ADAM22: variants seen among roughly 807,000 people sequenced by gnomAD.
ADAM22 encodes the protein ADAM metallopeptidase domain 22.
ADAM22 carries 65 observed loss-of-function variants against 144.6 expected under a neutral mutation model. The ratio of observed to expected loss-of-function variants is 0.45; its 90% confidence interval spans 0.37 to 0.55. ADAM22 has a LOEUF of 0.55. Among genes scored for constraint, ADAM22 ranks in the 20% least tolerant of loss-of-function variants. The probability of loss-of-function intolerance (pLI) is 0.00; values close to 1 mark genes in which losing one functional copy is unlikely to be tolerated. For missense variants in ADAM22, 974 were observed against 1,184.9 expected (o/e 0.82, Z 2.61); for synonymous variants, 391 against 412.6 (o/e 0.95, Z 0.63).
At chr7:88,006,697 A>G (rs1350791925) in intron 3 of ADAM22, among the ~76,000 whole-genome samples, 4 of 149,582 alleles carry the variant, frequency 2.7e-5, no homozygotes, top group Non-Finnish European at 4.5e-5. Context: ...GACAAAATTC[A>G]ACAGCCCTTC....
chr7:88,105,888 A>G (rs752236107), intron 4 of ADAM22, among the ~76,000 whole-genome samples: 19 of 152,186 alleles, frequency 1.2e-4, no homozygotes, highest in Admixed American at 6.5e-4. Flanking sequence ...AGCAGCAAAC[A>G]CTTGTTGAGT....
At chr7:88,031,820 C>T (rs575891362) in intron 3 of ADAM22, among the ~76,000 whole-genome samples, 1 of 152,330 alleles carries the variant, frequency 6.6e-6, no homozygotes, top group South Asian at 2.1e-4. Flanking sequence ...GGACACTGCT[C>T]CCTCTGTCCC....
intron 4 of ADAM22, among the ~76,000 whole-genome samples, chr7:88,087,404 A>G (rs569823110): frequency 6.6e-6 from 1 of 152,294 alleles, no homozygotes; most frequent in Non-Finnish European, 1.5e-5. Flanking sequence ...GCCTTGGGCA[A>G]GAATGGTAAA....
intron 3 of ADAM22, among the ~76,000 whole-genome samples, chr7:87,990,696 T>C (rs1789608461): frequency 6.6e-6 from 1 of 152,150 alleles, no homozygotes; most frequent in African/African-American, 2.4e-5. Flanking sequence ...AGAGTCTTGC[T>C]CTGTAGCCCA....
chr7:88,164,316 A>T (rs1414681412), intron 23 of ADAM22, among the ~76,000 whole-genome samples: 1 of 152,094 alleles, frequency 6.6e-6, no homozygotes, highest in Admixed American at 6.6e-5. Flanking sequence ...TTGTTTAATT[A>T]ATTAGTAAAA....
chr7:88,170,407 A>C (rs1844030737), intron 25 of ADAM22, among the ~76,000 whole-genome samples: 1 of 151,916 alleles, frequency 6.6e-6, no homozygotes, highest in Admixed American at 6.6e-5. Flanking sequence ...TGTCCAGTTA[A>C]ACTTTCTACC....
chr7:87,988,868 C>T (rs1430854770), intron 3 of ADAM22, among the ~76,000 whole-genome samples: 1 of 152,052 alleles, frequency 6.6e-6, no homozygotes, highest in Non-Finnish European at 1.5e-5. Context: ...AGGCAACTTC[C>T]CTTTAGTCTT....
intron 7 of ADAM22, among the ~76,000 whole-genome samples, chr7:88,117,293 T>C (rs1214572313): frequency 6.6e-6 from 1 of 152,262 alleles, no homozygotes; most frequent in Non-Finnish European, 1.5e-5. Flanking sequence ...TAAATGGATC[T>C]AGGTTAATTT....
chr7:88,197,160 G>A lies in ADAM22; in HGVS notation c.*669G>A, dbSNP rs1467089001. 2 of 152,230 alleles carry A rather than the reference G, an allele frequency of 1.3e-5. No individual in the cohort carries two copies. The highest frequency in any genetic ancestry group is 1.9e-4 in the East Asian group (1 of 5,196). 9.4% of individuals were successfully genotyped at this position (152,230 alleles called of 1,614,324 possible). ...AAAAATGCAGCTGTTACACACAAGT[G>A]TATTTTGCCAAATGCCTAAAAATTC... On this transcript the variant is annotated 3_prime_UTR_variant, in exon 32 of 32. Transcript: ENST00000413139.
At position 88,191,575 on chromosome 7, in the gene ADAM22, T is replaced by C. The variant is rs530296909; in HGVS notation, c.2751-1541T>C. On this transcript the variant is annotated intron_variant, in intron 30 of 31. Coordinates refer to ENST00000413139, the MANE Select transcript of ADAM22 (RefSeq NM_001324418.2). ...TTGCCATTATCTTACATGTACCAAA[T>C]TTGTTTCTTAAAGATCATAGTCCTA... is the stretch of plus-strand genomic sequence containing the variant. Among the ~76,000 whole-genome samples the C allele has an allele frequency of 2.6e-5, 4 of 152,320 alleles. No homozygotes were observed. In the East Asian group the frequency reaches 7.7e-4, roughly 29 times the overall value.
chr7:87,975,425 T>C (rs1851678693), intron 2 of ADAM22, among the ~76,000 whole-genome samples: 1 of 152,228 alleles, frequency 6.6e-6, no homozygotes, highest in South Asian at 2.1e-4. Flanking sequence ...AAGAAGGTTA[T>C]TGAATGAATC....
In ADAM22 at chr7:87,957,284, A is replaced by G. The variant is rs140202097; in HGVS notation, c.247-21052A>G. 3.7e-3 allele frequency among the ~76,000 whole-genome samples: 564 copies of G among 152,322 alleles called. 3 individuals carry two copies. Among genetic ancestry groups the G allele is most frequent in the African/African-American group, 0.013 (541 of 41,576 alleles). ...ACTTATCCCTTAGCTGTTCTATGGT[A>G]TCAGTGAAATTGACCATGTGAGGGT... On this transcript the variant is annotated intron_variant, in intron 2 of 31. Transcript: ENST00000413139.
chr7:88,188,175 CT>C (rs1848764181), intron 30 of ADAM22, among the ~76,000 whole-genome samples: 1 of 152,094 alleles, frequency 6.6e-6, no homozygotes, highest in African/African-American at 2.4e-5. Flanking sequence ...AACAGAATGA[CT>C]TTCATCCTAT....
intron 4 of ADAM22, among the ~76,000 whole-genome samples, chr7:88,080,771 A>G (rs1474898529): frequency 6.6e-6 from 1 of 152,230 alleles, no homozygotes; most frequent in Non-Finnish European, 1.5e-5. Flanking sequence ...ATTCCTTGAC[A>G]CATACACTCT....
At chr7:88,100,888 C>T (rs982171144) in intron 4 of ADAM22, among the ~76,000 whole-genome samples, 6 of 151,602 alleles carry the variant, frequency 4.0e-5, no homozygotes, top group Admixed American at 6.6e-5. Flanking sequence ...TGATGCCAGT[C>T]GAGAGGGAGT....
At chr7:88,113,703 A>ATATATATATTATAAATATATAT (rs1554478728) in intron 5 of ADAM22, among the ~76,000 whole-genome samples, 12 of 48,106 alleles carry the variant, frequency 2.5e-4, no homozygotes, top group African/African-American at 9.6e-4. Flanking sequence ...TAAATAAATA[A>ATATATATATTATAAATATATAT]ATATATATAT....
chr7:88,077,866 C>G (rs1260278078), intron 4 of ADAM22, among the ~76,000 whole-genome samples: 3 of 152,210 alleles, frequency 2.0e-5, no homozygotes, highest in Admixed American at 2.0e-4. Context: ...TGGGTGGAGC[C>G]CACCACAGCT....
intron 3 of ADAM22, among the ~76,000 whole-genome samples, chr7:88,042,579 A>G (rs2129472187): frequency 6.6e-6 from 1 of 152,100 alleles, no homozygotes; most frequent in East Asian, 1.9e-4. Context: ...TTGGAAATTA[A>G]TATTTTTACC....
intron 2 of ADAM22, among the ~76,000 whole-genome samples, chr7:87,960,626 C>T (rs1157488985): frequency 1.3e-5 from 2 of 152,128 alleles, no homozygotes; most frequent in Non-Finnish European, 2.9e-5. Context: ...TTCTTGATTT[C>T]TCTTTTTATC....
Sources: gnomAD v4.1 joint callset for allele counts (sites outside exome capture counted in the v4.1 genomes callset) on GRCh38, gnomAD v4.1.1 for gene constraint, MANE v1.5 for transcripts, NCBI Gene and HGNC (gene_info 2026-07-23, HGNC 2026-07-21) for gene names.